MDGA2: variants seen among roughly 807,000 people sequenced by gnomAD.
MDGA2 encodes MAM domain containing glycosylphosphatidylinositol anchor 2, also known as MAM domain-containing glycosylphosphatidylinositol anchor protein 2.
In MDGA2, 40 loss-of-function variants were observed where a neutral mutation model predicts 117.8. The observed-to-expected ratio is 0.34, with a 90% CI of 0.26 to 0.44. MDGA2 has a LOEUF of 0.44. Among genes scored for constraint, MDGA2 ranks in the 20% least tolerant of loss-of-function variants. The probability of loss-of-function intolerance (pLI) is 1.00; values close to 1 mark genes in which losing one functional copy is unlikely to be tolerated. For missense variants in MDGA2, 1,123 were observed against 1,250.6 expected (o/e 0.90, Z 1.54); for synonymous variants, 452 against 439.0 (o/e 1.03, Z -0.37).
intron 4 of MDGA2, among the ~76,000 whole-genome samples, chr14:47,139,380 T>C (rs1882605248): frequency 6.6e-6 from 1 of 152,096 alleles, no homozygotes; most frequent in East Asian, 1.9e-4. Context: ...ATAGCAGTGT[T>C]GTGTAGCTCT....
chr14:46,880,758 C>A (rs377246805), intron 11 of MDGA2, among the ~76,000 whole-genome samples: 1 of 128,366 alleles, frequency 7.8e-6, no homozygotes, highest in Non-Finnish European at 1.6e-5. Context: ...GCCAAGATTG[C>A]GGCATTGCAC....
intron 6 of MDGA2, among the ~76,000 whole-genome samples, chr14:47,081,370 C>T (rs1040538678): frequency 2.0e-5 from 3 of 151,994 alleles, no homozygotes; most frequent in Admixed American, 1.3e-4. Context: ...TTATAAAAAT[C>T]AAATATTTTC....
Position 47,674,701 on chromosome 14 carries a change from G to A in MDGA2, c.96C>T (p.Pro32=). The A allele has an allele frequency of 4.9e-6, 5 of 1,022,630 alleles. No individual in the cohort carries two copies. Among genetic ancestry groups the A allele is most frequent in the Non-Finnish European group, 7.5e-6 (5 of 666,238 alleles). 63.3% of individuals were successfully genotyped at this position (1,022,630 alleles called of 1,614,324 possible). The change falls in exon 1 of 17, where the codon CCC becomes CCT. Residue 32 remains proline, a synonymous_variant. Transcript: ENST00000399232. ...GRRFLLRRAV[P]GHLGLARARV... ...GCGCCCGGGCCAAGCCGAGGTGCCC[G>A]GGAACCGCTCGCCGAAGGAGGAAGC...
At chr14:46,928,342 G>A (rs903706115) in intron 9 of MDGA2, among the ~76,000 whole-genome samples, 1 of 152,042 alleles carries the variant, frequency 6.6e-6, no homozygotes, top group East Asian at 1.9e-4. Context: ...AAGTGAAACT[G>A]GGAACAAGCT....
intron 1 of MDGA2, among the ~76,000 whole-genome samples, chr14:47,453,261 G>C (rs1415211595): frequency 6.6e-6 from 1 of 151,918 alleles, no homozygotes; most frequent in African/African-American, 2.4e-5. Flanking sequence ...GATTATTCCA[G>C]CTTTGTCATA....
chr14:46,906,897 A>G (rs1425118636), intron 10 of MDGA2, among the ~76,000 whole-genome samples: 4 of 151,976 alleles, frequency 2.6e-5, no homozygotes, highest in African/African-American at 7.2e-5. Flanking sequence ...AAATGTGCCA[A>G]TACATAGATT....
At chr14:47,226,994 C>A (rs1412002295) in intron 2 of MDGA2, among the ~76,000 whole-genome samples, 1 of 152,070 alleles carries the variant, frequency 6.6e-6, no homozygotes, top group African/African-American at 2.4e-5. Context: ...TTTTAGAAAG[C>A]TTTCCCTCTC....
At chr14:46,953,017 C>T (rs933823957) in intron 9 of MDGA2, among the ~76,000 whole-genome samples, 3 of 151,750 alleles carry the variant, frequency 2.0e-5, no homozygotes, top group Non-Finnish European at 4.4e-5. Flanking sequence ...TAAAAGGAAA[C>T]TGCAGTATCC....
chr14:47,532,445 T>A (rs969158204), intron 1 of MDGA2, among the ~76,000 whole-genome samples: 1 of 152,186 alleles, frequency 6.6e-6, no homozygotes. Flanking sequence ...TATTTGTGAG[T>A]TCATTTCTAA....
chr14:47,654,072 A>T (rs1044712935), intron 1 of MDGA2, among the ~76,000 whole-genome samples: 2 of 152,170 alleles, frequency 1.3e-5, no homozygotes, highest in Admixed American at 6.5e-5. Flanking sequence ...CCATCAATTT[A>T]AGGCCAAAGA....
chr14:46,846,690 T>C (rs1428857619), intron 15 of MDGA2, among the ~76,000 whole-genome samples: 1 of 152,182 alleles, frequency 6.6e-6, no homozygotes, highest in Non-Finnish European at 1.5e-5. Flanking sequence ...ATTTTCTTTA[T>C]GGCTCCCAAA....
intron 1 of MDGA2, among the ~76,000 whole-genome samples, chr14:47,641,667 T>C (rs1897427235): frequency 6.6e-6 from 1 of 152,138 alleles, no homozygotes; most frequent in African/African-American, 2.4e-5. Context: ...CTATTTATCA[T>C]AATGAGGATA....
chr14:47,380,690 T>C (rs1406652022), intron 1 of MDGA2, among the ~76,000 whole-genome samples: 1 of 151,868 alleles, frequency 6.6e-6, no homozygotes, highest in African/African-American at 2.4e-5. Flanking sequence ...ATAGGCCAAT[T>C]ACAGGCTCTG....
At chr14:47,183,083 A>T (rs111658195) in intron 3 of MDGA2, among the ~76,000 whole-genome samples, 6 of 152,138 alleles carry the variant, frequency 3.9e-5, no homozygotes, top group African/African-American at 1.2e-4. Context: ...GAACATTTAT[A>T]TGTATACATG....
At chr14:46,857,486 G>C (rs945263660) in intron 14 of MDGA2, among the ~76,000 whole-genome samples, 5 of 150,300 alleles carry the variant, frequency 3.3e-5, no homozygotes, top group Admixed American at 2.7e-4. Flanking sequence ...CTTGTATATA[G>C]TATGCTTTTC....
At chr14:47,300,779 G>A (rs1300849458) in intron 2 of MDGA2, among the ~76,000 whole-genome samples, 3 of 151,966 alleles carry the variant, frequency 2.0e-5, no homozygotes, top group South Asian at 2.1e-4. Context: ...GGTTGTAAGC[G>A]TGAGCCACCA....
At chr14:47,634,543 T>C (rs1897293271) in intron 1 of MDGA2, among the ~76,000 whole-genome samples, 1 of 152,086 alleles carries the variant, frequency 6.6e-6, no homozygotes, top group African/African-American at 2.4e-5. Flanking sequence ...AAAAGAAAAA[T>C]CGCTTGTAAA....
intron 3 of MDGA2, among the ~76,000 whole-genome samples, chr14:47,173,307 A>G (rs1252814814): frequency 6.6e-6 from 1 of 152,142 alleles, no homozygotes; most frequent in East Asian, 1.9e-4. Flanking sequence ...AACGCCACAA[A>G]GATACTCCTC....
chr14:46,967,664 T>C (rs947956012), intron 8 of MDGA2, among the ~76,000 whole-genome samples: 1 of 152,154 alleles, frequency 6.6e-6, no homozygotes, highest in Non-Finnish European at 1.5e-5. Flanking sequence ...TTGTATTCAC[T>C]ACAGTTGTCC....
Sources: allele counts gnomAD v4.1 joint callset (sites outside exome capture counted in the v4.1 genomes callset), GRCh38; gene constraint gnomAD v4.1.1; transcripts MANE v1.5; gene names NCBI Gene and HGNC (gene_info 2026-07-23, HGNC 2026-07-21).